RPS29: variants seen among roughly 807,000 people sequenced by gnomAD.
RPS29 encodes the protein ribosomal protein S29.
For synonymous variants in RPS29, 37 were observed against 26.9 expected (o/e 1.37, Z -1.16); for missense variants, 60 against 75.7 (o/e 0.79, Z 0.77).
chr14:49,575,570 AAC>A (rs1881157386), exon 3 of RPS29: 1 of 152,198 alleles, frequency 6.6e-6, no homozygotes, highest in African/African-American at 2.4e-5. Context: ...TTTCTGGCTG[AAC>A]ACAGTGGCTC....
chr14:49,591,421 C>A (rs896823095), intron 1 of RPS29, among the ~76,000 whole-genome samples: 24 of 152,108 alleles, frequency 1.6e-4, no homozygotes, highest in African/African-American at 5.8e-4. Context: ...AAGCGATTCT[C>A]CTGCCTCAGC....
chr14:49,588,106 T>C (rs1293147993), upstream of RPS29, among the ~76,000 whole-genome samples: 1 of 152,244 alleles, frequency 6.6e-6, no homozygotes, highest in Non-Finnish European at 1.5e-5. Flanking sequence ...CTAACATTTG[T>C]CCACACTTTC....
intron 1 of RPS29, among the ~76,000 whole-genome samples, chr14:49,593,785 T>C (rs1295523470): frequency 6.7e-6 from 1 of 149,002 alleles, no homozygotes; most frequent in Admixed American, 6.7e-5. Flanking sequence ...AAGTGGGAAC[T>C]GAAAAAACAG....
At chr14:49,580,870 G>A (rs1741353960), downstream of RPS29, among the ~76,000 whole-genome samples, 1 of 139,314 alleles carries the variant, frequency 7.2e-6, no homozygotes, top group African/African-American at 2.7e-5. Flanking sequence ...GGGTGACATA[G>A]CAAGACTCCG....
At chr14:49,572,845 G>A (rs533251219) in exon 3 of RPS29, 8 of 152,326 alleles carry the variant, frequency 5.3e-5, no homozygotes, top group African/African-American at 1.9e-4. Context: ...AAGGCAGGTG[G>A]ATCTCTTGAG....
chr14:49,578,615 C>T (rs891558866), downstream of RPS29, among the ~76,000 whole-genome samples: 3 of 123,772 alleles, frequency 2.4e-5, no homozygotes, highest in Non-Finnish European at 4.7e-5. Flanking sequence ...GGCTGGAATG[C>T]AGTGGCATGA....
chr14:49,594,458 CA>C (rs1881779322), intron 1 of RPS29, among the ~76,000 whole-genome samples: 1 of 152,114 alleles, frequency 6.6e-6, no homozygotes, highest in Non-Finnish European at 1.5e-5. Flanking sequence ...ATTGATACGG[CA>C]GTGCTAAGAA....
chr14:49,579,602 T>C (rs1881280299), downstream of RPS29, among the ~76,000 whole-genome samples: 1 of 152,204 alleles, frequency 6.6e-6, no homozygotes, highest in Non-Finnish European at 1.5e-5. Flanking sequence ...GCCTCTCCTA[T>C]AGCACCTACC....
At chr14:49,594,255 G>A (rs944571876) in intron 1 of RPS29, among the ~76,000 whole-genome samples, 5 of 151,664 alleles carry the variant, frequency 3.3e-5, no homozygotes, top group Non-Finnish European at 7.4e-5. Flanking sequence ...AACCTTTCCT[G>A]ATCAGGTCTG....
downstream of RPS29, among the ~76,000 whole-genome samples, chr14:49,579,839 AGG>A (rs1881286748): frequency 6.6e-6 from 1 of 152,346 alleles, no homozygotes; most frequent in Admixed American, 6.5e-5. Context: ...TTAAGAGCAT[AGG>A]CACTGATTTC....
At chr14:49,577,868 G>A (rs1044056085) in intron 2 of RPS29, 1 of 1,574,904 alleles carries the variant, frequency 6.3e-7, no homozygotes, top group Non-Finnish European at 8.6e-7. Context: ...AATGGTAAAA[G>A]AGGACCCATA....
At chr14:49,587,462 C>T (rs767518379), upstream of RPS29, among the ~76,000 whole-genome samples, 25 of 152,180 alleles carry the variant, frequency 1.6e-4, no homozygotes, top group Non-Finnish European at 3.7e-4. Context: ...GCAACAATTC[C>T]AGAAACTTTT....
At chr14:49,587,439 T>C (rs928186923), upstream of RPS29, among the ~76,000 whole-genome samples, 1 of 152,254 alleles carries the variant, frequency 6.6e-6, no homozygotes, top group African/African-American at 2.4e-5. Flanking sequence ...ATTTATAAAA[T>C]GTAGCACAGG....
At chr14:49,578,395 A>G (rs939080151) in intron 2 of RPS29, among the ~76,000 whole-genome samples, 1 of 152,086 alleles carries the variant, frequency 6.6e-6, no homozygotes, top group African/African-American at 2.4e-5. Flanking sequence ...CATCACCCAA[A>G]GTCAAATGCT....
At chr14:49,584,607 A>C (rs1881451918) in intron 2 of RPS29, among the ~76,000 whole-genome samples, 2 of 152,052 alleles carry the variant, frequency 1.3e-5, no homozygotes, top group African/African-American at 4.8e-5. Flanking sequence ...TCCACAAAAT[A>C]ATAAAAATAG....
At chr14:49,592,348 A>C (rs1403601797) in intron 1 of RPS29, 1 of 151,280 alleles carries the variant, frequency 6.6e-6, no homozygotes, top group Non-Finnish European at 1.5e-5. Context: ...CCATGCAAAA[A>C]GTTTTAAAGT....
chr14:49,572,786 T>C (rs1333907316), exon 3 of RPS29: 1 of 152,196 alleles, frequency 6.6e-6, no homozygotes, highest in Non-Finnish European at 1.5e-5. Context: ...GAGATTTCCC[T>C]GGCCTGGCAT....
chr14:49,597,338 G>T (rs1348830337), intron 1 of RPS29: 1 of 152,234 alleles, frequency 6.6e-6, no homozygotes, highest in African/African-American at 2.4e-5. Context: ...GCTTACAGGC[G>T]TGAGCCACCG....
At chr14:49,596,747 AG>A (rs1234032680) in intron 1 of RPS29, among the ~76,000 whole-genome samples, 1 of 150,696 alleles carries the variant, frequency 6.6e-6, no homozygotes, top group Non-Finnish European at 1.5e-5. Context: ...CCCAAGCCTA[AG>A]TAACACCAAA....
Sources: allele counts gnomAD v4.1 joint callset (sites outside exome capture counted in the v4.1 genomes callset), GRCh38; gene constraint gnomAD v4.1.1; transcripts MANE v1.5; gene names NCBI Gene and HGNC (gene_info 2026-07-23, HGNC 2026-07-21).